Variants in AKAP13 observed in about 807,000 individuals in gnomAD.
AKAP13 encodes the protein A-kinase anchor protein 13.
A neutral mutation model predicts 264.5 loss-of-function variants in AKAP13; 80 were observed. The ratio of observed to expected loss-of-function variants is 0.30; its 90% CI spans 0.25 to 0.36. The LOEUF (loss-of-function observed/expected upper bound fraction) is 0.36. Ranked by LOEUF, AKAP13 falls within the 10% of genes least tolerant of loss-of-function variation. The pLI is 1.00. For missense variants in AKAP13, 3,712 were observed against 3,435.2 expected (o/e 1.08, Z -2.01); for synonymous variants, 1,380 against 1,250.2 (o/e 1.10, Z -2.19).
At chr15:85,453,104 T>G (rs2074150570) in intron 1 of AKAP13, among the ~76,000 whole-genome samples, 1 of 152,182 alleles carries the variant, frequency 6.6e-6, no homozygotes, top group Non-Finnish European at 1.5e-5. Flanking sequence ...TGGCCTCCTC[T>G]CCTTGAGTTT....
At chr15:85,534,819 A>G (rs994403482) in intron 4 of AKAP13, 5 of 152,222 alleles carry the variant, frequency 3.3e-5, no homozygotes, top group Admixed American at 1.3e-4. Flanking sequence ...CTAGTAGCCA[A>G]TGACATCTAC....
At chr15:85,588,059 AC>A (rs1305533963) in intron 8 of AKAP13, among the ~76,000 whole-genome samples, 3 of 152,176 alleles carry the variant, frequency 2.0e-5, no homozygotes, top group Non-Finnish European at 2.9e-5. Context: ...TAGTGAACTT[AC>A]TCATGCTGCC....
chr15:85,740,292 A>G lies in AKAP13; in HGVS notation c.7608+20A>G, dbSNP rs750218963. ...CTGCAGGTGCGTGCCTTCATCTTCC[A>G]TCCCTGCGTTTATTTGTCTAGAGAA... On this transcript the variant is annotated intron_variant, in intron 34 of 36. Transcript: ENST00000394518. 23 of 1,613,236 alleles carry G rather than the reference A, an allele frequency of 1.4e-5. No individual in the cohort carries two copies. Among genetic ancestry groups the G allele is most frequent in the Non-Finnish European group, 2.0e-5 (23 of 1,179,408 alleles).
intron 5 of AKAP13, among the ~76,000 whole-genome samples, chr15:85,552,791 C>CT (rs947460238): frequency 2.0e-5 from 3 of 151,950 alleles, no homozygotes; most frequent in African/African-American, 7.3e-5. Flanking sequence ...CCATGCCCGG[C>CT]TAATTTTTTT....
At chr15:85,732,300 G>T (rs2088105887) in intron 30 of AKAP13, among the ~76,000 whole-genome samples, 1 of 152,024 alleles carries the variant, frequency 6.6e-6, no homozygotes, top group Non-Finnish European at 1.5e-5. Flanking sequence ...TTCTCCAAGA[G>T]TTCTGGATTC....
intron 17 of AKAP13, chr15:85,702,182 G>A (rs555654028): frequency 6.6e-6 from 1 of 152,038 alleles, no homozygotes; most frequent in African/African-American, 2.4e-5. Flanking sequence ...GGAGGCGGAG[G>A]TTACAGTCAG....
chr15:85,387,316 A>G (rs564518285), intron 1 of AKAP13, among the ~76,000 whole-genome samples: 1 of 152,164 alleles, frequency 6.6e-6, no homozygotes, highest in East Asian at 1.9e-4. Context: ...AGCCTGGGTG[A>G]TAGAACGAGA....
intron 17 of AKAP13, among the ~76,000 whole-genome samples, chr15:85,705,239 C>G (rs1438360510): frequency 1.3e-5 from 2 of 152,298 alleles, no homozygotes; most frequent in African/African-American, 4.8e-5. Flanking sequence ...GATAGTGCCA[C>G]TCCCTTAAAA....
At chr15:85,634,536 T>C (rs2081993587) in intron 8 of AKAP13, among the ~76,000 whole-genome samples, 1 of 152,186 alleles carries the variant, frequency 6.6e-6, no homozygotes, top group Admixed American at 6.5e-5. Flanking sequence ...TATTTTATAT[T>C]TTATACTTCT....
chr15:85,398,079 TG>T (rs1314675681), intron 1 of AKAP13, among the ~76,000 whole-genome samples: 1 of 152,216 alleles, frequency 6.6e-6, no homozygotes, highest in Non-Finnish European at 1.5e-5. Context: ...TACTTGAACA[TG>T]GATCTTACTC....
intron 1 of AKAP13, among the ~76,000 whole-genome samples, chr15:85,403,207 A>C (rs1276052466): frequency 2.0e-5 from 3 of 152,234 alleles, no homozygotes; most frequent in Non-Finnish European, 4.4e-5. Context: ...ATATGAAAAA[A>C]ATCTAAAATA....
chr15:85,661,736 A>G (rs190439852), intron 12 of AKAP13, among the ~76,000 whole-genome samples: 85 of 152,278 alleles, frequency 5.6e-4, no homozygotes, highest in Middle Eastern at 3.4e-3. Context: ...GGTAGTTTTC[A>G]TTATCATTAA....
At chr15:85,395,503 T>C (rs1359016137) in intron 1 of AKAP13, among the ~76,000 whole-genome samples, 2 of 152,200 alleles carry the variant, frequency 1.3e-5, no homozygotes, top group Non-Finnish European at 2.9e-5. Context: ...TGAGTAATAC[T>C]ATATATGAAT....
At chr15:85,699,361 TTGA>T (rs1440376590) in intron 17 of AKAP13, among the ~76,000 whole-genome samples, 2 of 152,006 alleles carry the variant, frequency 1.3e-5, no homozygotes, top group Non-Finnish European at 2.9e-5. Flanking sequence ...GGAGAATCAC[TTGA>T]ACCCAGGAGG....
At chr15:85,458,100 A>G (rs2074345361) in intron 1 of AKAP13, among the ~76,000 whole-genome samples, 1 of 150,872 alleles carries the variant, frequency 6.6e-6, no homozygotes, top group Non-Finnish European at 1.5e-5. Context: ...AGATTGCGCC[A>G]CTGCACTCCT....
chr15:85,560,716 AAAATT>A (rs1466990684), intron 5 of AKAP13, among the ~76,000 whole-genome samples: 23 of 152,236 alleles, frequency 1.5e-4, no homozygotes, highest in African/African-American at 5.3e-4. Context: ...GATTTTTAAA[AAAATT>A]AAAACTAGTG....
intron 1 of AKAP13, among the ~76,000 whole-genome samples, chr15:85,447,050 C>G (rs1042686210): frequency 1.3e-5 from 2 of 152,114 alleles, no homozygotes; most frequent in Non-Finnish European, 2.9e-5. Flanking sequence ...CAGGAGATCA[C>G]AAGGTCAAGA....
chr15:85,437,270 G>A (rs2073355600), intron 1 of AKAP13, among the ~76,000 whole-genome samples: 1 of 150,676 alleles, frequency 6.6e-6, no homozygotes, highest in Admixed American at 6.6e-5. Context: ...ACTAAACCAG[G>A]AAGAAGTTGA....
intron 5 of AKAP13, among the ~76,000 whole-genome samples, chr15:85,548,902 CTTTT>C (rs72092593): frequency 3.2e-5 from 4 of 123,322 alleles, no homozygotes; most frequent in Admixed American, 8.2e-5. Context: ...ACCTCAGTGC[CTTTT>C]TTTTTTTTTT....
Sources: gnomAD v4.1 joint callset for allele counts (sites outside exome capture counted in the v4.1 genomes callset) on GRCh38, gnomAD v4.1.1 for gene constraint, MANE v1.5 for transcripts, NCBI Gene and HGNC (gene_info 2026-07-23, HGNC 2026-07-21) for gene names.